Variants in DPYD observed in about 807,000 individuals in gnomAD.
DPYD encodes dihydropyrimidine dehydrogenase.
DPYD carries 109 observed loss-of-function variants against 116.2 expected under a neutral mutation model. The ratio of observed to expected loss-of-function variants is 0.94; its 90% CI spans 0.80 to 1.10. DPYD has a LOEUF of 1.10. Ranked by LOEUF, DPYD falls within the 50% of genes least tolerant of loss-of-function variation. The pLI, the probability that DPYD is intolerant of heterozygous loss-of-function variation, is 0.00. For missense variants in DPYD, 1,302 were observed against 1,254.5 expected, an observed-to-expected ratio of 1.04 and a Z score of -0.57; for synonymous variants, 440 against 432.0, an observed-to-expected ratio of 1.02 and a Z score of -0.23.
chr1:97,646,198 C>T (rs757278957), intron 8 of DPYD, among the ~76,000 whole-genome samples: 9 of 152,084 alleles, frequency 5.9e-5, no homozygotes, highest in Non-Finnish European at 1.0e-4. Flanking sequence ...TATTCTGTTC[C>T]AGTGCAGTGC....
At chr1:97,720,101 T>C (rs752254452) in intron 5 of DPYD, 2 of 984,948 alleles carry the variant, frequency 2.0e-6, no homozygotes, top group Non-Finnish European at 2.4e-6. Flanking sequence ...ATTAAAACCA[T>C]GTGAGAGTTT....
chr1:97,241,122 A>G (rs1027328999), intron 18 of DPYD, among the ~76,000 whole-genome samples: 35 of 152,046 alleles, frequency 2.3e-4, no homozygotes, highest in African/African-American at 8.2e-4. Context: ...AAGTCTTCCT[A>G]TCTTCATAGC....
intron 1 of DPYD, 91 bp downstream of exon 1, chr1:97,920,793 G>C: frequency 6.6e-7 from 1 of 1,512,022 alleles, no homozygotes; most frequent in South Asian, 1.2e-5. Context: ...ACTCTCCGGG[G>C]TGCGGGGGCC....
In DPYD at chr1:97,291,834, T is replaced by C. The variant is rs765318031; in HGVS notation, c.2299+13425A>G. 8.7e-4 allele frequency among the ~76,000 whole-genome samples: 133 copies of C among 152,154 alleles called. 1 individual carries two copies. Among genetic ancestry groups the C allele is most frequent in the Non-Finnish European group, 1.5e-3 (103 of 68,016 alleles). ...CACATGTACCCTAAAACTTAAAGTA[T>C]AATAAAATACAATAAAATAAACCCT... On this transcript the variant is annotated intron_variant, in intron 18 of 22. Coordinates refer to ENST00000370192, the MANE Select transcript of DPYD (RefSeq NM_000110.4).
At chr1:97,280,014 C>A (rs1220271096) in intron 18 of DPYD, 4 of 152,100 alleles carry the variant, frequency 2.6e-5, no homozygotes, top group African/African-American at 7.2e-5. Context: ...TGTTTATCCC[C>A]AGAGAAAAGA....
chr1:97,240,693 T>TAAC lies in DPYD; in HGVS notation c.2300-5702_2300-5700dup, dbSNP rs1662276486. Reference sequence around the variant, plus strand: ...AATTGAACCTTGACTGTCTAATTGTTAACAGTTTTAACACCATCCAGAAGA... The same window carrying TAAC: ...AATTGAACCTTGACTGTCTAATTGTTAACAACAGTTTTAACACCATCCAGAAGA... On this transcript the variant is annotated intron_variant, in intron 18 of 22. Coordinates refer to ENST00000370192, the MANE Select transcript of DPYD (RefSeq NM_000110.4). Among the ~76,000 whole-genome samples, 4 of 152,022 alleles carry TAAC rather than the reference T, an allele frequency of 2.6e-5. No individual in the cohort carries two copies. In the South Asian group the frequency reaches 8.3e-4, roughly 31 times the overall value.
chr1:97,680,503 G>A (rs1253877777), intron 7 of DPYD, among the ~76,000 whole-genome samples: 1 of 152,112 alleles, frequency 6.6e-6, no homozygotes, highest in African/African-American at 2.4e-5. Context: ...ACTGCATGTG[G>A]CCATTGATTT....
chr1:97,398,365 G>C (rs1420213252), intron 14 of DPYD, among the ~76,000 whole-genome samples: 1 of 152,062 alleles, frequency 6.6e-6, no homozygotes, highest in Non-Finnish European at 1.5e-5. Flanking sequence ...ATTTGGGTTG[G>C]TTCCAAGTCT....
chr1:97,317,436 T>C lies in DPYD; in HGVS notation c.2059-11139A>G, dbSNP rs367709147. On this transcript the variant is annotated intron_variant, in intron 16 of 22. Transcript: ENST00000370192. The stretch of plus-strand genomic sequence containing the variant: ...AGGCAGCTGCTTGCCCTACTATGTA[T>C]GGATTCATTTTGGATAAGGGCAAGT... Among the ~76,000 whole-genome samples the C allele has an allele frequency of 1.2e-4, 18 of 152,096 alleles. No individual in the cohort carries two copies. In the East Asian group the frequency reaches 3.3e-3, roughly 28 times the overall value.
chr1:97,358,209 A>T (rs989902560), intron 16 of DPYD, among the ~76,000 whole-genome samples: 4 of 152,312 alleles, frequency 2.6e-5, no homozygotes, highest in Admixed American at 2.0e-4. Context: ...CTAGCGCAGC[A>T]GTCTGAGATC....
chr1:97,092,275 G>C (rs2056049), intron 21 of DPYD, among the ~76,000 whole-genome samples: 121,887 of 152,154 alleles, frequency 0.8, 49,187 homozygotes, highest in East Asian at 0.99. Flanking sequence ...CCGGAACATA[G>C]TGGTTGCACA....
chr1:97,538,008 A>G (rs917012369), intron 12 of DPYD, among the ~76,000 whole-genome samples: 4 of 151,782 alleles, frequency 2.6e-5, no homozygotes, highest in Admixed American at 1.3e-4. Context: ...CGGAGGTTGC[A>G]GTGAGCCAAG....
intron 1 of DPYD, among the ~76,000 whole-genome samples, chr1:97,906,395 T>A (rs1402838683): frequency 1.3e-5 from 2 of 152,078 alleles, no homozygotes; most frequent in South Asian, 4.1e-4. Flanking sequence ...TCTTGATATA[T>A]AATTATTGGT....
At chr1:97,658,437 T>C (rs1659065153) in intron 8 of DPYD, among the ~76,000 whole-genome samples, 1 of 152,174 alleles carries the variant, frequency 6.6e-6, no homozygotes, top group Admixed American at 6.5e-5. Context: ...TACATAGGGA[T>C]AAATACAACA....
At chr1:97,520,815 T>A (rs1213885919) in intron 12 of DPYD, among the ~76,000 whole-genome samples, 2 of 152,164 alleles carry the variant, frequency 1.3e-5, no homozygotes, top group African/African-American at 4.8e-5. Flanking sequence ...TAATCCCTTT[T>A]GGAGGCTGCG....
chr1:97,704,338 G>C (rs1210851099), intron 5 of DPYD, among the ~76,000 whole-genome samples: 5 of 151,948 alleles, frequency 3.3e-5, no homozygotes, highest in Middle Eastern at 3.4e-3. Flanking sequence ...TATAAATCTA[G>C]AGTTGGCATT....
intron 16 of DPYD, among the ~76,000 whole-genome samples, chr1:97,367,466 A>C (rs1444248301): frequency 1.3e-5 from 2 of 152,174 alleles, no homozygotes; most frequent in African/African-American, 4.8e-5. Flanking sequence ...GCAGGACTTC[A>C]TACATCTCCC....
chr1:97,154,228 A>G (rs1172407552), intron 20 of DPYD, among the ~76,000 whole-genome samples: 1 of 152,216 alleles, frequency 6.6e-6, no homozygotes, highest in Non-Finnish European at 1.5e-5. Flanking sequence ...TGCAATTGCA[A>G]AAATACAGAG....
At chr1:97,745,488 A>G (rs776405875) in intron 3 of DPYD, among the ~76,000 whole-genome samples, 2 of 152,112 alleles carry the variant, frequency 1.3e-5, no homozygotes, top group South Asian at 4.1e-4. Context: ...GTTGGATGAT[A>G]ATAACCAGGA....
Sources: gnomAD v4.1 joint callset for allele counts (sites outside exome capture counted in the v4.1 genomes callset) on GRCh38, gnomAD v4.1.1 for gene constraint, MANE v1.5 for transcripts, NCBI Gene and HGNC (gene_info 2026-07-23, HGNC 2026-07-21) for gene names.